The following ELMO1 variants were observed in gnomAD, a reference collection of about 807,000 sequenced individuals.
The protein encoded by ELMO1 is engulfment and cell motility 1, also known as engulfment and cell motility protein 1.
A neutral mutation model predicts 98.9 loss-of-function variants in ELMO1; 26 were observed. The ratio of observed to expected loss-of-function variants is 0.26; its 90% CI spans 0.19 to 0.36. The LOEUF is 0.36. ELMO1 is among the 10% of genes least tolerant of loss of function. ELMO1 has a pLI of 1.00. For missense variants in ELMO1, 627 were observed against 935.2 expected (o/e 0.67, Z 4.30); for synonymous variants, 346 against 346.0 (o/e 1.00, Z 0.00).
chr7:37,072,970 A>C (rs1265790158), intron 15 of ELMO1, among the ~76,000 whole-genome samples: 2 of 152,200 alleles, frequency 1.3e-5, no homozygotes, highest in African/African-American at 2.4e-5. Context: ...TATCCCTGCT[A>C]AGGGGCCAGA....
chr7:37,274,459 C>T (rs979983015), intron 4 of ELMO1, among the ~76,000 whole-genome samples: 1 of 152,152 alleles, frequency 6.6e-6, no homozygotes, highest in Non-Finnish European at 1.5e-5. Flanking sequence ...CAGGTCCCTT[C>T]CCAAGAGGAA....
chr7:36,991,000 G>T (rs1012629971), intron 16 of ELMO1, among the ~76,000 whole-genome samples: 4 of 152,048 alleles, frequency 2.6e-5, no homozygotes, highest in Admixed American at 2.0e-4. Flanking sequence ...CCAGCTCCTG[G>T]TCCCAAACTG....
intron 15 of ELMO1, among the ~76,000 whole-genome samples, chr7:37,088,673 C>T (rs1350903294): frequency 2.0e-5 from 3 of 152,162 alleles, no homozygotes; most frequent in Non-Finnish European, 4.4e-5. Flanking sequence ...ATCACAAGGG[C>T]TTCTGATCCT....
At chr7:37,087,054 G>A (rs1334734922) in intron 15 of ELMO1, among the ~76,000 whole-genome samples, 1 of 152,148 alleles carries the variant, frequency 6.6e-6, no homozygotes, top group Non-Finnish European at 1.5e-5. Context: ...TTTCCAAGAT[G>A]TTTTCCATTG....
intron 13 of ELMO1, among the ~76,000 whole-genome samples, chr7:37,192,814 A>AAAG (rs1491442341): frequency 7.0e-6 from 1 of 143,606 alleles, no homozygotes; most frequent in Non-Finnish European, 1.5e-5. Flanking sequence ...AAAAAAAAAA[A>AAAG]TGTGTGTGTG....
chr7:36,879,887 A>G (rs567555800), intron 18 of ELMO1, among the ~76,000 whole-genome samples: 1 of 152,350 alleles, frequency 6.6e-6, no homozygotes, highest in Non-Finnish European at 1.5e-5. Context: ...TAATTCACAG[A>G]CATTTAAATT....
intron 15 of ELMO1, among the ~76,000 whole-genome samples, chr7:37,014,982 G>A (rs545741474): frequency 2.0e-5 from 3 of 152,024 alleles, no homozygotes; most frequent in Non-Finnish European, 2.9e-5. Flanking sequence ...AAGGATACAC[G>A]GCTACCAAGC....
chr7:37,099,674 T>C (rs575492162), intron 14 of ELMO1, among the ~76,000 whole-genome samples: 19 of 152,194 alleles, frequency 1.2e-4, no homozygotes, highest in Non-Finnish European at 2.1e-4. Flanking sequence ...AAATGCTTCA[T>C]CGTTTACAGA....
At chr7:37,405,361 C>A (rs1479582123) in intron 1 of ELMO1, among the ~76,000 whole-genome samples, 1 of 152,166 alleles carries the variant, frequency 6.6e-6, no homozygotes, top group African/African-American at 2.4e-5. Context: ...CTCACCTCTG[C>A]CCCCATGTCT....
chr7:37,000,965 G>GT (rs1225250144), intron 16 of ELMO1, among the ~76,000 whole-genome samples: 1 of 130,544 alleles, frequency 7.7e-6, no homozygotes, highest in African/African-American at 3.5e-5. Context: ...ACACACACAC[G>GT]TTTTTTAACA....
Position 37,058,847 on chromosome 7 carries a change from G to A in ELMO1, c.1300+37772C>T, listed in dbSNP as rs139738444. Among the ~76,000 whole-genome samples, 240 of 152,316 alleles carry A rather than the reference G, an allele frequency of 1.6e-3. 4 individuals are homozygous for A. Among genetic ancestry groups the A allele is most frequent in the African/African-American group, 5.5e-3 (227 of 41,558 alleles). ...GTTCCGAAAATCTTTAGTTAGCAGT[G>A]TGATATCATCCATACCCAAAAAGGA... On this transcript the variant is annotated intron_variant, in intron 15 of 21. Transcript: ENST00000310758.
chr7:37,008,257 G>C (rs1018113587), intron 16 of ELMO1, among the ~76,000 whole-genome samples: 2 of 152,296 alleles, frequency 1.3e-5, no homozygotes, highest in Admixed American at 6.5e-5. Flanking sequence ...TAATTGTTGG[G>C]GAGGACTTAA....
intron 15 of ELMO1, among the ~76,000 whole-genome samples, chr7:37,047,411 AC>A (rs1795856149): frequency 6.6e-6 from 1 of 152,198 alleles, no homozygotes; most frequent in African/African-American, 2.4e-5. Flanking sequence ...CTGACATGAC[AC>A]CTTGGCCCCA....
intron 2 of ELMO1, among the ~76,000 whole-genome samples, chr7:37,339,382 A>T (rs1372959945): frequency 6.6e-6 from 1 of 152,230 alleles, no homozygotes; most frequent in Non-Finnish European, 1.5e-5. Context: ...TGATAAGTGG[A>T]GGGGCACCCA....
intron 17 of ELMO1, 111 bp from the exon 18 acceptor site, chr7:36,887,783 A>C (rs946409016): frequency 1.2e-6 from 1 of 863,990 alleles, no homozygotes; most frequent in Admixed American, 2.2e-5. Flanking sequence ...TTTCATGAGC[A>C]TCTAATACCT....
chr7:37,178,241 T>C (rs565882276), intron 13 of ELMO1, among the ~76,000 whole-genome samples: 22 of 151,920 alleles, frequency 1.4e-4, no homozygotes, highest in Non-Finnish European at 2.2e-4. Flanking sequence ...AGGCATGTCT[T>C]ACACTACAAC....
chr7:37,226,763 G>C (rs111632882), intron 8 of ELMO1, among the ~76,000 whole-genome samples: 1 of 151,998 alleles, frequency 6.6e-6, no homozygotes, highest in East Asian at 1.9e-4. Flanking sequence ...AGCACCCTCC[G>C]CCTCCATCTT....
chr7:37,060,837 G>A (rs1007883913), intron 15 of ELMO1, among the ~76,000 whole-genome samples: 2 of 151,500 alleles, frequency 1.3e-5, no homozygotes, highest in East Asian at 3.9e-4. Flanking sequence ...CCAAGTCACT[G>A]GATTCTGGCC....
chr7:37,086,701 C>T (rs1028836703), intron 15 of ELMO1, among the ~76,000 whole-genome samples: 46 of 135,644 alleles, frequency 3.4e-4, no homozygotes, highest in South Asian at 2.5e-3. Context: ...CGAGATCACA[C>T]CACTGCACTC....
Sources: gnomAD v4.1 joint callset for allele counts (sites outside exome capture counted in the v4.1 genomes callset) on GRCh38, gnomAD v4.1.1 for gene constraint, MANE v1.5 for transcripts, NCBI Gene and HGNC (gene_info 2026-07-23, HGNC 2026-07-21) for gene names.